Variants in CDIN1 observed in about 807,000 individuals in gnomAD.
The protein encoded by CDIN1 is CDAN1 interacting nuclease 1.
A neutral mutation model predicts 45.3 loss-of-function variants in CDIN1; 33 were observed. The ratio of observed to expected loss-of-function variants is 0.73; its 90% confidence interval spans 0.55 to 0.97. The LOEUF is 0.97. Ranked by LOEUF, CDIN1 falls within the 50% of genes least tolerant of loss-of-function variation. The probability of loss-of-function intolerance (pLI) is 0.00; values close to 1 mark genes in which losing one functional copy is unlikely to be tolerated. For missense variants in CDIN1, 303 were observed against 339.4 expected, an observed-to-expected ratio of 0.89 and a Z score of 0.84; for synonymous variants, 118 against 124.4, an observed-to-expected ratio of 0.95 and a Z score of 0.34.
intron 10 of CDIN1, among the ~76,000 whole-genome samples, chr15:36,746,669 C>CACACACACACACACACACA (rs2044448487): frequency 7.1e-6 from 1 of 141,434 alleles, no homozygotes; most frequent in South Asian, 2.2e-4. Context: ...ATATATGGTT[C>CACACACACACACACACACA]CACACACACA....
chr15:36,709,995 G>A (rs772102838), intron 10 of CDIN1, 34 bp downstream of exon 10: 295 of 1,480,510 alleles, frequency 2.0e-4, no homozygotes, highest in Non-Finnish European at 2.7e-4. Flanking sequence ...TAAGATAAAC[G>A]ATACTCAGCT....
intron 1 of CDIN1, among the ~76,000 whole-genome samples, chr15:36,613,322 C>G (rs1409562139): frequency 1.3e-5 from 2 of 152,118 alleles, no homozygotes; most frequent in Non-Finnish European, 2.9e-5. Context: ...AGGTGCAAGT[C>G]ACTGTGCTAT....
chr15:36,749,796 T>C (rs2053409850), intron 10 of CDIN1, among the ~76,000 whole-genome samples: 1 of 152,130 alleles, frequency 6.6e-6, no homozygotes, highest in African/African-American at 2.4e-5. Flanking sequence ...ATCTATGTTA[T>C]TTTCACCAGG....
At chr15:36,802,554 C>A (rs945845951) in intron 10 of CDIN1, among the ~76,000 whole-genome samples, 12 of 152,090 alleles carry the variant, frequency 7.9e-5, no homozygotes, top group African/African-American at 2.9e-4. Flanking sequence ...AAAAGTATAA[C>A]AATAGGAAGT....
At chr15:36,680,354 C>CA (rs1199810075) in intron 5 of CDIN1, among the ~76,000 whole-genome samples, 1 of 151,984 alleles carries the variant, frequency 6.6e-6, no homozygotes, top group Admixed American at 6.6e-5. Flanking sequence ...AGTTAACAAA[C>CA]AAAAAAGTAA....
At chr15:36,707,298 G>T (rs2042901994) in intron 8 of CDIN1, 1 of 151,960 alleles carries the variant, frequency 6.6e-6, no homozygotes, top group Non-Finnish European at 1.5e-5. Flanking sequence ...TGAGAGGGAG[G>T]GAGAAAGAGA....
chr15:36,682,955 T>TA (rs1443112140), intron 5 of CDIN1, among the ~76,000 whole-genome samples: 6 of 152,020 alleles, frequency 3.9e-5, no homozygotes, highest in African/African-American at 1.2e-4. Flanking sequence ...TAGAATTGTG[T>TA]AAAAAAAGAG....
intron 1 of CDIN1, among the ~76,000 whole-genome samples, chr15:36,610,838 T>TGGCC (rs923698632): frequency 3.3e-5 from 5 of 152,218 alleles, no homozygotes; most frequent in Non-Finnish European, 5.9e-5. Flanking sequence ...TAGAACTTAT[T>TGGCC]GGCCAGCCAG....
At chr15:36,650,592 GC>G (rs1386187733) in intron 3 of CDIN1, among the ~76,000 whole-genome samples, 1 of 151,714 alleles carries the variant, frequency 6.6e-6, no homozygotes, top group African/African-American at 2.4e-5. Context: ...ACAGGCACGC[GC>G]CACCATGCTG....
intron 10 of CDIN1, among the ~76,000 whole-genome samples, chr15:36,787,449 G>T: frequency 6.6e-6 from 1 of 152,142 alleles, no homozygotes; most frequent in Non-Finnish European, 1.5e-5. Flanking sequence ...GTAATAATAA[G>T]AATGATGCAA....
intron 1 of CDIN1, among the ~76,000 whole-genome samples, chr15:36,638,052 CT>C (rs1427189941): frequency 6.6e-6 from 1 of 151,936 alleles, no homozygotes; most frequent in Non-Finnish European, 1.5e-5. Context: ...AAAAAATATT[CT>C]TTGGGCTGTG....
intron 10 of CDIN1, among the ~76,000 whole-genome samples, chr15:36,764,997 C>T (rs1362447372): frequency 6.6e-6 from 1 of 152,020 alleles, no homozygotes; most frequent in Non-Finnish European, 1.5e-5. Flanking sequence ...TCTGCAGTCA[C>T]CATGCCAGCC....
chr15:36,771,950 A>G (rs2141026602), intron 10 of CDIN1, among the ~76,000 whole-genome samples: 1 of 150,726 alleles, frequency 6.6e-6, no homozygotes, highest in South Asian at 2.1e-4. Flanking sequence ...AAAAGAAGAT[A>G]GACTCACACA....
intron 3 of CDIN1, among the ~76,000 whole-genome samples, chr15:36,653,404 A>T (rs2040649828): frequency 6.6e-6 from 1 of 151,794 alleles, no homozygotes; most frequent in South Asian, 2.1e-4. Context: ...TTGAGATTTA[A>T]TGTGGGGCCT....
At chr15:36,608,225 T>C (rs1475654783) in intron 1 of CDIN1, among the ~76,000 whole-genome samples, 2 of 152,218 alleles carry the variant, frequency 1.3e-5, no homozygotes, top group Non-Finnish European at 2.9e-5. Context: ...GGTCATATGG[T>C]TTAACATTTT....
At chr15:36,649,062 T>G (rs1437474595) in intron 3 of CDIN1, among the ~76,000 whole-genome samples, 1 of 152,218 alleles carries the variant, frequency 6.6e-6, no homozygotes, top group Non-Finnish European at 1.5e-5. Context: ...CACATCAAAG[T>G]GACAGATCAG....
At chr15:36,662,854 G>GTTTTTTTTT (rs34007525) in intron 5 of CDIN1, among the ~76,000 whole-genome samples, 1 of 122,934 alleles carries the variant, frequency 8.1e-6, no homozygotes, top group Non-Finnish European at 1.6e-5. Context: ...TCAGATTTTA[G>GTTTTTTTTT]TTTTTTTTTT....
rs182356199 is a variant in CDIN1, at chr15:36,651,150, C to T, written c.213-2948C>T. On this transcript the variant is annotated intron_variant, in intron 3 of 10. Coordinates refer to ENST00000566621, the MANE Select transcript of CDIN1 (RefSeq NM_001321759.2). The stretch of plus-strand genomic sequence containing the variant: ...AAGAATGCAGAGACACATGAATTCT[C>T]CTGGGCATTAGGAATGGAGCCCACG... Among the ~76,000 whole-genome samples the T allele has an allele frequency of 1.3e-4, 20 of 152,014 alleles. 1 individual carries two copies. Among genetic ancestry groups the T allele is most frequent in the Admixed American group, 1.3e-3 (20 of 15,268 alleles).
At chr15:36,755,936 A>G (rs770314196) in intron 10 of CDIN1, 41 of 395,912 alleles carry the variant, frequency 1.0e-4, no homozygotes, top group Non-Finnish European at 1.8e-4. Context: ...GTGTTGTGTT[A>G]AAACAGGTTC....
Sources: allele counts gnomAD v4.1 joint callset (sites outside exome capture counted in the v4.1 genomes callset), GRCh38; gene constraint gnomAD v4.1.1; transcripts MANE v1.5; gene names NCBI Gene and HGNC (gene_info 2026-07-23, HGNC 2026-07-21).